The following SUPT3H variants were observed in gnomAD, a reference collection of about 807,000 sequenced individuals.
SUPT3H encodes the protein SPT3 homolog, SAGA and STAGA complex component.
A neutral mutation model predicts 44.3 loss-of-function variants in SUPT3H; 44 were observed. That is an observed-to-expected ratio of 0.99 (90% CI 0.78 to 1.28). The LOEUF (loss-of-function observed/expected upper bound fraction) is 1.28. Ranked by LOEUF, SUPT3H falls within the 50% of genes most tolerant of loss-of-function variation. The probability of loss-of-function intolerance (pLI) is 0.00; values close to 1 mark genes in which losing one functional copy is unlikely to be tolerated. For missense variants in SUPT3H, 380 were observed against 387.1 expected (o/e 0.98, Z 0.15); for synonymous variants, 124 against 125.6 (o/e 0.99, Z 0.09).
chr6:45,298,792 T>G (rs927025196), intron 2 of SUPT3H, among the ~76,000 whole-genome samples: 2 of 152,126 alleles, frequency 1.3e-5, no homozygotes, highest in Non-Finnish European at 2.9e-5. Context: ...CTAAAGTAAC[T>G]CTCTAGAATA....
intron 3 of SUPT3H, among the ~76,000 whole-genome samples, chr6:45,083,884 C>T (rs1796150254): frequency 6.6e-6 from 1 of 152,120 alleles, no homozygotes; most frequent in South Asian, 2.1e-4. Context: ...GGATAACTGG[C>T]TAACTATAGA....
At chr6:45,271,515 A>G (rs1278260847) in intron 2 of SUPT3H, among the ~76,000 whole-genome samples, 1 of 152,172 alleles carries the variant, frequency 6.6e-6, no homozygotes, top group African/African-American at 2.4e-5. Flanking sequence ...GGTGCACAGA[A>G]GTCAAGAACT....
chr6:44,953,729 ATTT>A (rs1053962445), intron 8 of SUPT3H, among the ~76,000 whole-genome samples: 4 of 151,912 alleles, frequency 2.6e-5, no homozygotes, highest in African/African-American at 9.7e-5. Context: ...TGCTTATTTT[ATTT>A]TATTTTATTA....
At chr6:45,304,022 G>T (rs60346641) in intron 2 of SUPT3H, among the ~76,000 whole-genome samples, 22,771 of 151,482 alleles carry the variant, frequency 0.15, 1,951 homozygotes, top group East Asian at 0.26. Flanking sequence ...AATTAAATTT[G>T]TTGTACTTCT....
At chr6:45,302,514 AATATATATATATATATAT>A (rs10524207) in intron 2 of SUPT3H, among the ~76,000 whole-genome samples, 45,107 of 105,484 alleles carry the variant, frequency 0.43, 8,953 homozygotes, top group East Asian at 0.72. Context: ...GTATCTCAGG[AATATATATATATATATAT>A]ATATATATAT....
intron 10 of SUPT3H, among the ~76,000 whole-genome samples, chr6:44,910,819 C>CCCCAT (rs1296838580): frequency 6.6e-6 from 1 of 151,316 alleles, no homozygotes; most frequent in East Asian, 1.9e-4. Flanking sequence ...CATGGTGAAA[C>CCCCAT]CCCATCTTCA....
intron 10 of SUPT3H, among the ~76,000 whole-genome samples, chr6:44,905,604 C>CA (rs1266351715): frequency 2.6e-5 from 4 of 151,992 alleles, no homozygotes; most frequent in Admixed American, 6.6e-5. Flanking sequence ...TTGTGGAAGT[C>CA]AGTGTGGCGA....
intron 2 of SUPT3H, among the ~76,000 whole-genome samples, chr6:45,158,326 G>GTC (rs2153599924): frequency 9.3e-6 from 1 of 107,172 alleles, no homozygotes; most frequent in East Asian, 2.6e-4. Context: ...TTGAGATGGA[G>GTC]TCTCACTATG....
chr6:44,810,880 T>C (rs527886220), intron 11 of SUPT3H, among the ~76,000 whole-genome samples: 1 of 150,902 alleles, frequency 6.6e-6, no homozygotes, highest in Non-Finnish European at 1.5e-5. Flanking sequence ...CACTCCAGCC[T>C]GGATGACAGA....
intron 6 of SUPT3H, among the ~76,000 whole-genome samples, chr6:44,983,867 T>A (rs1011619769): frequency 7.2e-5 from 11 of 152,342 alleles, no homozygotes; most frequent in African/African-American, 2.6e-4. Flanking sequence ...TGAGGTTTTC[T>A]ATTTACTTTT....
At chr6:44,982,461 T>A (rs1779231713) in intron 6 of SUPT3H, among the ~76,000 whole-genome samples, 1 of 152,088 alleles carries the variant, frequency 6.6e-6, no homozygotes, top group African/African-American at 2.4e-5. Flanking sequence ...CTGACCTCAA[T>A]CTCCTGGCCT....
At chr6:44,843,929 A>G (rs1521356) in intron 10 of SUPT3H, among the ~76,000 whole-genome samples, 62 of 1,776 alleles carry the variant, frequency 0.035, no homozygotes, top group East Asian at 0.33. Flanking sequence ...ACACACACGC[A>G]CACACACACA....
chr6:45,063,835 G>A (rs1312754909), intron 3 of SUPT3H, among the ~76,000 whole-genome samples: 2 of 142,340 alleles, frequency 1.4e-5, no homozygotes, highest in East Asian at 4.0e-4. Context: ...ACGTCTGATT[G>A]GTGTACCTGA....
chr6:44,944,762 C>CAA lies in SUPT3H; in HGVS notation c.801+8546_801+8547dup, dbSNP rs57506313. 3.0e-4 allele frequency among the ~76,000 whole-genome samples: 9 copies of CAA among 29,884 alleles called. 2 individuals carry two copies. Among genetic ancestry groups the CAA allele is most frequent in the Admixed American group, 5.4e-4 (1 of 1,850 alleles). The allele number at this position is 29,884 out of a possible 152,430, so 19.6% of individuals were successfully genotyped here. A position where few individuals can be genotyped will look rare whatever the true frequency, so the allele number is the denominator to read the frequency against. On this transcript the variant is annotated intron_variant, in intron 9 of 10. Transcript: ENST00000371459. ...GGGAGACAAAGCAAGACCCTCTCTC[C>CAA]AAAAAAAAAAAAAAAAAAAAAAAGA... is the stretch of plus-strand genomic sequence containing the variant.
chr6:45,184,775 G>GAAAAA (rs55652227), intron 2 of SUPT3H, among the ~76,000 whole-genome samples: 40 of 128,578 alleles, frequency 3.1e-4, no homozygotes, highest in African/African-American at 6.9e-4. Flanking sequence ...ACAGGCAGAG[G>GAAAAA]AAAAAAAAAA....
chr6:44,997,431 ACTGT>A (rs1304794532), intron 6 of SUPT3H, among the ~76,000 whole-genome samples: 3 of 151,708 alleles, frequency 2.0e-5, no homozygotes, highest in Admixed American at 6.6e-5. Flanking sequence ...TCTGATTGAC[ACTGT>A]CTTTTTTCTC....
chr6:45,078,219 T>C (rs1795281613), intron 3 of SUPT3H, among the ~76,000 whole-genome samples: 1 of 152,232 alleles, frequency 6.6e-6, no homozygotes, highest in Non-Finnish European at 1.5e-5. Context: ...CTCTACTGTT[T>C]ACTGCTTTGG....
At chr6:45,271,702 A>G (rs977802254) in intron 2 of SUPT3H, among the ~76,000 whole-genome samples, 1 of 144,664 alleles carries the variant, frequency 6.9e-6, no homozygotes, top group Non-Finnish European at 1.5e-5. Context: ...TCCTTGGTGG[A>G]GCTGTGAGAA....
chr6:45,073,185 C>T (rs1477756926), intron 3 of SUPT3H, among the ~76,000 whole-genome samples: 1 of 152,030 alleles, frequency 6.6e-6, no homozygotes, highest in Non-Finnish European at 1.5e-5. Context: ...GTCATTCAAA[C>T]ATATGTGTCT....
Sources: allele counts gnomAD v4.1 joint callset (sites outside exome capture counted in the v4.1 genomes callset), GRCh38; gene constraint gnomAD v4.1.1; transcripts MANE v1.5; gene names NCBI Gene and HGNC (gene_info 2026-07-23, HGNC 2026-07-21).